DPP10: variants seen among roughly 807,000 people sequenced by gnomAD.
DPP10 encodes dipeptidyl peptidase like 10.
In DPP10, 33 loss-of-function variants were observed where a neutral mutation model predicts 120.9. The ratio of observed to expected loss-of-function variants is 0.27; its 90% confidence interval spans 0.21 to 0.37. DPP10 has a LOEUF of 0.37. Among genes scored for constraint, DPP10 ranks in the 10% least tolerant of loss-of-function variants. The pLI, the probability that DPP10 is intolerant of heterozygous loss-of-function variation, is 1.00. For missense variants in DPP10, 816 were observed against 942.8 expected (o/e 0.87, Z 1.76); for synonymous variants, 337 against 326.1 (o/e 1.03, Z -0.36).
At chr2:114,920,108 C>A (rs1695093527) in intron 1 of DPP10, among the ~76,000 whole-genome samples, 1 of 152,234 alleles carries the variant, frequency 6.6e-6, no homozygotes, top group South Asian at 2.1e-4. Context: ...AAATAAACTC[C>A]ATCTCTGAGT....
chr2:115,441,416 T>C (rs140178353), intron 3 of DPP10, among the ~76,000 whole-genome samples: 81 of 152,306 alleles, frequency 5.3e-4, no homozygotes, highest in African/African-American at 1.8e-3. Context: ...GGGGATGAAG[T>C]TGGAAAGGAC....
chr2:115,372,540 G>A (rs1276124008), intron 3 of DPP10, among the ~76,000 whole-genome samples: 2 of 152,140 alleles, frequency 1.3e-5, no homozygotes, highest in East Asian at 1.9e-4. Context: ...GATGAAAAAC[G>A]TAGCCAGTAT....
At chr2:115,585,308 T>G (rs2082221138) in intron 5 of DPP10, among the ~76,000 whole-genome samples, 1 of 152,190 alleles carries the variant, frequency 6.6e-6, no homozygotes, top group Non-Finnish European at 1.5e-5. Context: ...TCAGACATAA[T>G]TTCAGTTGCA....
chr2:115,256,893 C>T (rs574256998), intron 1 of DPP10, among the ~76,000 whole-genome samples: 2 of 152,314 alleles, frequency 1.3e-5, no homozygotes, highest in Admixed American at 6.5e-5. Flanking sequence ...ATCTTGTACA[C>T]GTGGCTGGTT....
chr2:115,337,014 A>G (rs2106216218), intron 2 of DPP10, among the ~76,000 whole-genome samples: 1 of 152,192 alleles, frequency 6.6e-6, no homozygotes, highest in South Asian at 2.1e-4. Flanking sequence ...CTGCTAAATT[A>G]CGTTGCAATG....
intron 1 of DPP10, among the ~76,000 whole-genome samples, chr2:115,116,585 T>C (rs1294569424): frequency 5.3e-5 from 8 of 152,174 alleles, no homozygotes; most frequent in Admixed American, 3.3e-4. Flanking sequence ...GAAGGACTTA[T>C]TCTTTCTTTA....
At chr2:114,949,971 A>G (rs944601777) in intron 1 of DPP10, among the ~76,000 whole-genome samples, 4 of 152,168 alleles carry the variant, frequency 2.6e-5, no homozygotes, top group Non-Finnish European at 5.9e-5. Context: ...GTAGAAAGCC[A>G]CCAACCTATG....
At chr2:114,552,359 T>C (rs1687952315) in intron 1 of DPP10, among the ~76,000 whole-genome samples, 1 of 152,208 alleles carries the variant, frequency 6.6e-6, no homozygotes, top group Non-Finnish European at 1.5e-5. Context: ...CTCCTGTATT[T>C]TCCGGCTGTC....
chr2:115,103,847 T>G (rs1323059518), intron 1 of DPP10, among the ~76,000 whole-genome samples: 3 of 152,214 alleles, frequency 2.0e-5, no homozygotes, highest in South Asian at 4.1e-4. Context: ...AGGAATGTAC[T>G]GGTTGATAAT....
intron 1 of DPP10, among the ~76,000 whole-genome samples, chr2:114,485,082 G>T (rs1681388081): frequency 6.6e-6 from 1 of 152,174 alleles, no homozygotes; most frequent in South Asian, 2.1e-4. Flanking sequence ...TGTGGAGTGG[G>T]TTGGTAAATT....
At chr2:114,919,144 G>A (rs1695020429) in intron 1 of DPP10, among the ~76,000 whole-genome samples, 1 of 152,078 alleles carries the variant, frequency 6.6e-6, no homozygotes, top group Non-Finnish European at 1.5e-5. Context: ...GAAAGACTGA[G>A]GGAGGAGGAG....
intron 1 of DPP10, among the ~76,000 whole-genome samples, chr2:114,700,021 G>A (rs2105810269): frequency 6.6e-6 from 1 of 152,138 alleles, no homozygotes; most frequent in Non-Finnish European, 1.5e-5. Context: ...CTGATTCTGT[G>A]GCTCAAAAGT....
chr2:115,058,064 G>A (rs1706076568), intron 1 of DPP10, among the ~76,000 whole-genome samples: 2 of 152,198 alleles, frequency 1.3e-5, no homozygotes, highest in East Asian at 3.9e-4. Flanking sequence ...CGATTGCTCT[G>A]CGGGGCTTAG....
At chr2:115,501,190 A>G (rs993152831) in intron 4 of DPP10, among the ~76,000 whole-genome samples, 1 of 152,048 alleles carries the variant, frequency 6.6e-6, no homozygotes, top group Admixed American at 6.6e-5. Context: ...TTATTCTATT[A>G]TGTGGCTGTG....
At chr2:115,197,049 C>T (rs917400667) in intron 1 of DPP10, among the ~76,000 whole-genome samples, 1 of 151,978 alleles carries the variant, frequency 6.6e-6, no homozygotes, top group Non-Finnish European at 1.5e-5. Context: ...ATTACATGGG[C>T]AAAAGTTAGT....
At chr2:115,363,426 T>C (rs937312016) in intron 3 of DPP10, among the ~76,000 whole-genome samples, 1 of 152,198 alleles carries the variant, frequency 6.6e-6, no homozygotes, top group Non-Finnish European at 1.5e-5. Flanking sequence ...TTAAGTGGCA[T>C]CAGTGGTCTG....
intron 1 of DPP10, among the ~76,000 whole-genome samples, chr2:115,023,427 C>T (rs1703220523): frequency 6.6e-6 from 1 of 152,020 alleles, no homozygotes; most frequent in Non-Finnish European, 1.5e-5. Flanking sequence ...AAATGCAAAT[C>T]AAAACCACAA....
At chr2:114,988,373 AG>A (rs1397928926) in intron 1 of DPP10, among the ~76,000 whole-genome samples, 1 of 152,234 alleles carries the variant, frequency 6.6e-6, no homozygotes, top group Non-Finnish European at 1.5e-5. Context: ...CTTTACTAAA[AG>A]GATAAATAAG....
intron 1 of DPP10, among the ~76,000 whole-genome samples, chr2:115,043,315 T>A (rs2420587): frequency 0.97 from 148,185 of 152,302 alleles, 72,232 homozygotes; most frequent in Middle Eastern, 1. Context: ...AAAAGGTCAG[T>A]CTTACTTGAA....
Sources: allele counts gnomAD v4.1 joint callset (sites outside exome capture counted in the v4.1 genomes callset), GRCh38; gene constraint gnomAD v4.1.1; transcripts MANE v1.5; gene names NCBI Gene and HGNC (gene_info 2026-07-23, HGNC 2026-07-21).